KSR2: variants seen among roughly 807,000 people sequenced by gnomAD.
KSR2 encodes the protein kinase suppressor of ras 2.
Under a neutral mutation model 107.8 loss-of-function variants are expected in KSR2, and 25 were observed. That is an observed-to-expected ratio of 0.23 (90% CI 0.17 to 0.32). KSR2 has a LOEUF of 0.32. Ranked by LOEUF, KSR2 falls within the 10% of genes least tolerant of loss-of-function variation. The pLI, the probability that KSR2 is intolerant of heterozygous loss-of-function variation, is 1.00. For synonymous variants in KSR2, 480 were observed against 507.0 expected (o/e 0.95, Z 0.71); for missense variants, 887 against 1,268.9 (o/e 0.70, Z 4.57).
intron 5 of KSR2, among the ~76,000 whole-genome samples, chr12:117,656,975 T>TAA (rs1884193155): frequency 3.3e-5 from 3 of 89,990 alleles, no homozygotes; most frequent in Non-Finnish European, 6.4e-5. Context: ...TATATATATA[T>TAA]AATAGGATAT....
chr12:117,561,011 T>C (rs1280622459), intron 7 of KSR2, among the ~76,000 whole-genome samples: 1 of 152,232 alleles, frequency 6.6e-6, no homozygotes, highest in Non-Finnish European at 1.5e-5. Flanking sequence ...TATTCCTTTA[T>C]AGCAATGCAT....
intron 1 of KSR2, among the ~76,000 whole-genome samples, chr12:117,954,153 G>A (rs11068760): frequency 0.6 from 90,909 of 151,944 alleles, 27,450 homozygotes; most frequent in African/African-American, 0.68. Flanking sequence ...ATTGATTTAA[G>A]AAAATCATTT....
chr12:117,486,137 T>C (rs1454507455), intron 14 of KSR2, among the ~76,000 whole-genome samples: 2 of 152,176 alleles, frequency 1.3e-5, no homozygotes, highest in African/African-American at 4.8e-5. Flanking sequence ...GTGGCTGATG[T>C]GTATTAAGTA....
rs374306432 is a variant in KSR2, at chr12:117,912,619, C to T, written c.181-52188G>A. ...GAAGATGCAAAGTATTCCATCCAGA[C>T]GTCCTCAATACCAAAAATGTTTCAG... is the stretch of plus-strand genomic sequence containing the variant. On this transcript the variant is annotated intron_variant, in intron 1 of 19. Transcript: ENST00000339824. Among the ~76,000 whole-genome samples, 39 of 152,288 alleles carry T rather than the reference C, an allele frequency of 2.6e-4. 1 individual carries two copies. The East Asian group carries it at 4.8e-3, about 19-fold the overall frequency.
intron 1 of KSR2, among the ~76,000 whole-genome samples, chr12:117,953,714 A>C (rs1896430664): frequency 6.6e-6 from 1 of 152,224 alleles, no homozygotes; most frequent in Non-Finnish European, 1.5e-5. Context: ...AAACAATAAA[A>C]AAACTTTTAG....
intron 1 of KSR2, among the ~76,000 whole-genome samples, chr12:117,966,676 C>T (rs1404641891): frequency 7.5e-5 from 11 of 146,758 alleles, no homozygotes; most frequent in Non-Finnish European, 7.6e-5. Flanking sequence ...CTCTCTCCCT[C>T]CCTCTCTTTC....
At chr12:117,707,329 T>C (rs1183633109) in intron 4 of KSR2, among the ~76,000 whole-genome samples, 1 of 152,198 alleles carries the variant, frequency 6.6e-6, no homozygotes, top group Non-Finnish European at 1.5e-5. Flanking sequence ...ATTGTGGTGA[T>C]GGTTGTACAA....
chr12:117,556,549 C>T (rs904651443), intron 8 of KSR2, among the ~76,000 whole-genome samples: 1 of 152,280 alleles, frequency 6.6e-6, no homozygotes, highest in African/African-American at 2.4e-5. Flanking sequence ...AACAGTGCAA[C>T]GATCATCGAA....
At chr12:117,951,353 T>C (rs1896359976) in intron 1 of KSR2, among the ~76,000 whole-genome samples, 1 of 152,134 alleles carries the variant, frequency 6.6e-6, no homozygotes, top group Non-Finnish European at 1.5e-5. Flanking sequence ...ATAAAAACGG[T>C]GGCATCTAAA....
At chr12:117,869,134 G>A (rs995404076) in intron 1 of KSR2, among the ~76,000 whole-genome samples, 1 of 152,118 alleles carries the variant, frequency 6.6e-6, no homozygotes, top group Admixed American at 6.5e-5. Context: ...CACTTTGGGA[G>A]GCCGAGGTGG....
intron 5 of KSR2, among the ~76,000 whole-genome samples, chr12:117,649,902 G>A (rs78952623): frequency 0.069 from 10,521 of 152,264 alleles, 493 homozygotes; most frequent in Middle Eastern, 0.12. Context: ...AACTGATCTG[G>A]CCTGGGGTTG....
At chr12:117,750,326 T>C (rs992839126) in intron 4 of KSR2, among the ~76,000 whole-genome samples, 22 of 150,808 alleles carry the variant, frequency 1.5e-4, no homozygotes, top group Non-Finnish European at 2.9e-4. Context: ...CTCAGGAGCA[T>C]ACATTTTACT....
At position 117,497,677 on chromosome 12, in the gene KSR2, C is replaced by T. The variant is rs77677120; in HGVS notation, c.2220-11986G>A. 4.6e-5 allele frequency among the ~76,000 whole-genome samples: 7 copies of T among 152,284 alleles called. No homozygotes were observed. In the East Asian group the frequency reaches 9.6e-4, roughly 21 times the overall value. On this transcript the variant is annotated intron_variant, in intron 14 of 19. Transcript: ENST00000339824. ...AGGAGCATACACTTTAGAATCAGAA[C>T]CACCTGAGATAATCCGCCACTTCCT...
chr12:117,554,502 C>A (rs1489320753), intron 9 of KSR2, among the ~76,000 whole-genome samples: 1 of 152,120 alleles, frequency 6.6e-6, no homozygotes, highest in East Asian at 1.9e-4. Context: ...GGTCTCCACC[C>A]AAATCTCATC....
intron 2 of KSR2, among the ~76,000 whole-genome samples, chr12:117,859,139 C>A (rs550584596): frequency 3.7e-5 from 3 of 81,094 alleles, no homozygotes; most frequent in Admixed American, 1.6e-4. Context: ...ATGAGCTGAA[C>A]TTTTTTTTTT....
intron 3 of KSR2, among the ~76,000 whole-genome samples, chr12:117,774,646 G>A (rs1173306204): frequency 6.6e-6 from 1 of 152,070 alleles, no homozygotes; most frequent in Non-Finnish European, 1.5e-5. Context: ...TTTTAACAAA[G>A]CTCTTTTTAA....
Position 117,761,362 on chromosome 12 carries a change from G to A in KSR2, c.635C>T (p.Thr212Ile), listed in dbSNP as rs1461447662. Residue 212 changes from threonine to isoleucine, a missense_variant, in exon 4 of 20, where the codon ACC becomes ATC. Coordinates refer to ENST00000339824, the MANE Select transcript of KSR2 (RefSeq NM_173598.6). ...CACAGGGGCCCCGGGAGTGGGGCTG[G>A]TGTGACAATAGTGCTGGACGCACTT... ...PSKCVQHYCH[T>I]SPTPGAPVYT... is the part of the protein sequence containing the mutation. The A allele has an allele frequency of 6.3e-7, 1 of 1,594,142 alleles. No homozygotes were observed. Among genetic ancestry groups the A allele is most frequent in the Non-Finnish European group, 8.5e-7 (1 of 1,173,452 alleles).
At chr12:117,757,007 A>G (rs1450540066) in intron 4 of KSR2, among the ~76,000 whole-genome samples, 2 of 149,202 alleles carry the variant, frequency 1.3e-5, no homozygotes, top group Admixed American at 1.4e-4. Context: ...GTGAGCCGAG[A>G]TTGCTCCATT....
At chr12:117,883,389 G>A (rs1218612600) in intron 1 of KSR2, among the ~76,000 whole-genome samples, 1 of 152,198 alleles carries the variant, frequency 6.6e-6, no homozygotes, top group Non-Finnish European at 1.5e-5. Context: ...ATGACGAAAA[G>A]TTGATTTCCT....
Sources: allele counts gnomAD v4.1 joint callset (sites outside exome capture counted in the v4.1 genomes callset), GRCh38; gene constraint gnomAD v4.1.1; transcripts MANE v1.5; gene names NCBI Gene and HGNC (gene_info 2026-07-23, HGNC 2026-07-21).